Variants in ENTREP2 observed in about 807,000 individuals in gnomAD.
The protein encoded by ENTREP2 is endosomal transmembrane epsin interactor 2.
the ENTREP2 span, among the ~76,000 whole-genome samples, chr15:29,631,176 T>A: frequency 6.6e-6 from 1 of 152,216 alleles, no homozygotes; most frequent in African/African-American, 2.4e-5. Context: ...TTCAGGAGTA[T>A]TTGTAATTGC....
the ENTREP2 span, among the ~76,000 whole-genome samples, chr15:29,566,426 A>C: frequency 6.7e-6 from 1 of 150,368 alleles, no homozygotes; most frequent in Non-Finnish European, 1.5e-5. Flanking sequence ...GGCCTCCCAA[A>C]GTGATGGGAT....
chr15:29,281,468 A>C, the ENTREP2 span, among the ~76,000 whole-genome samples: 3 of 130,824 alleles, frequency 2.3e-5, no homozygotes, highest in Admixed American at 1.4e-4. Context: ...GGAAAAAAAG[A>C]AGGAAAACTT....
the ENTREP2 span, among the ~76,000 whole-genome samples, chr15:29,183,542 C>G: frequency 1.6e-4 from 25 of 152,206 alleles, no homozygotes; most frequent in African/African-American, 5.8e-4. Context: ...TGTCCATGAA[C>G]AGGAGATGGA....
the ENTREP2 span, among the ~76,000 whole-genome samples, chr15:29,170,069 G>A: frequency 6.8e-3 from 1,041 of 152,096 alleles, 15 homozygotes; most frequent in African/African-American, 0.023. Flanking sequence ...GCACTTTGGA[G>A]GGCCGAGGCA....
chr15:29,513,791 T>G, the ENTREP2 span, among the ~76,000 whole-genome samples: 1 of 152,138 alleles, frequency 6.6e-6, no homozygotes, highest in Non-Finnish European at 1.5e-5. Flanking sequence ...CACCTCCGAG[T>G]CCATGTCCAC....
chr15:29,655,977 T>A, the ENTREP2 span, among the ~76,000 whole-genome samples: 6 of 134,986 alleles, frequency 4.4e-5, no homozygotes, highest in Admixed American at 8.3e-5. Flanking sequence ...GTGAGCGAGA[T>A]CACGCCACCG....
the ENTREP2 span, among the ~76,000 whole-genome samples, chr15:29,366,485 G>C: frequency 6.6e-6 from 1 of 152,034 alleles, no homozygotes; most frequent in South Asian, 2.1e-4. Flanking sequence ...TCCTGACAAA[G>C]TACAGCCTGA....
the ENTREP2 span, among the ~76,000 whole-genome samples, chr15:29,191,522 A>C: frequency 6.6e-6 from 1 of 152,158 alleles, no homozygotes; most frequent in East Asian, 1.9e-4. Context: ...AGACAAAGAC[A>C]GAAGGAGCCG....
chr15:29,426,213 G>A, the ENTREP2 span, among the ~76,000 whole-genome samples: 1 of 152,092 alleles, frequency 6.6e-6, no homozygotes, highest in Non-Finnish European at 1.5e-5. Flanking sequence ...TCACTTTCAT[G>A]TACCCATTCA....
At chr15:29,565,071 C>G in the ENTREP2 span, among the ~76,000 whole-genome samples, 1 of 152,118 alleles carries the variant, frequency 6.6e-6, no homozygotes, top group Admixed American at 6.6e-5. Context: ...AAAATTGATG[C>G]ACTATATTAA....
At chr15:29,364,573 A>C in the ENTREP2 span, among the ~76,000 whole-genome samples, 2 of 152,208 alleles carry the variant, frequency 1.3e-5, no homozygotes, top group African/African-American at 4.8e-5. Flanking sequence ...TCCTTCACCC[A>C]GCTGAAAGGC....
chr15:29,354,094 G>A, the ENTREP2 span, among the ~76,000 whole-genome samples: 2 of 152,312 alleles, frequency 1.3e-5, no homozygotes, highest in South Asian at 4.1e-4. Flanking sequence ...CAATGTGGGT[G>A]CACCTCATCC....
chr15:29,426,297 T>C, the ENTREP2 span, among the ~76,000 whole-genome samples: 387 of 152,304 alleles, frequency 2.5e-3, 2 homozygotes, highest in Non-Finnish European at 4.0e-3. Flanking sequence ...CCTTCTAAAA[T>C]ATGCAAATGT....
At chr15:29,346,732 A>T in the ENTREP2 span, among the ~76,000 whole-genome samples, 3 of 152,200 alleles carry the variant, frequency 2.0e-5, no homozygotes, top group Non-Finnish European at 4.4e-5. Flanking sequence ...AACCAAGAAG[A>T]TTTATGACAT....
chr15:29,223,597 AAC>A, the ENTREP2 span, among the ~76,000 whole-genome samples: 2 of 152,166 alleles, frequency 1.3e-5, no homozygotes, highest in Non-Finnish European at 2.9e-5. Flanking sequence ...AAATCCGAGA[AAC>A]AGTTCGGATG....
chr15:29,155,004 C>T, the ENTREP2 span, among the ~76,000 whole-genome samples: 407 of 151,304 alleles, frequency 2.7e-3, 14 homozygotes, highest in East Asian at 0.074. Context: ...CAGAACCGGC[C>T]GGGCGTGGTG....
the ENTREP2 span, among the ~76,000 whole-genome samples, chr15:29,622,102 T>C: frequency 1.3e-5 from 2 of 152,062 alleles, no homozygotes; most frequent in South Asian, 2.1e-4. Flanking sequence ...TTTTGCAAGA[T>C]GAAAAGAGTC....
At chr15:29,342,908 T>C in the ENTREP2 span, among the ~76,000 whole-genome samples, 1 of 152,316 alleles carries the variant, frequency 6.6e-6, no homozygotes, top group Non-Finnish European at 1.5e-5. Context: ...TAAGTTTGCA[T>C]ACTTTCTTAG....
At chr15:29,187,814 A>T in the ENTREP2 span, among the ~76,000 whole-genome samples, 5 of 152,228 alleles carry the variant, frequency 3.3e-5, no homozygotes, top group Admixed American at 3.3e-4. Flanking sequence ...TGAGGAGGCC[A>T]GGTCAGGCTG....
Sources: allele counts gnomAD v4.1 joint callset (sites outside exome capture counted in the v4.1 genomes callset), GRCh38; gene constraint gnomAD v4.1.1; transcripts MANE v1.5; gene names NCBI Gene and HGNC (gene_info 2026-07-23, HGNC 2026-07-21).